The following ATP8B4 variants were observed in gnomAD, a reference collection of about 807,000 sequenced individuals.
ATP8B4 encodes the protein probable phospholipid-transporting ATPase IM.
ATP8B4 carries 133 observed loss-of-function variants against 145.6 expected under a neutral mutation model. The observed-to-expected ratio is 0.91, with a 90% CI of 0.79 to 1.05. The LOEUF is 1.05. ATP8B4 is among the 50% of genes least tolerant of loss of function. The probability of loss-of-function intolerance (pLI) is 0.00; values close to 1 mark genes in which losing one functional copy is unlikely to be tolerated. For missense variants in ATP8B4, 1,458 were observed against 1,425.2 expected, an observed-to-expected ratio of 1.02 and a Z score of -0.37; for synonymous variants, 507 against 492.9, an observed-to-expected ratio of 1.03 and a Z score of -0.38.
At chr15:50,122,464 ATAAAT>A (rs2057279243), upstream of ATP8B4, among the ~76,000 whole-genome samples, 1 of 152,196 alleles carries the variant, frequency 6.6e-6, no homozygotes, top group South Asian at 2.1e-4. Flanking sequence ...TAACAATAAA[ATAAAT>A]TAAGATTTAA....
At chr15:50,050,437 G>C (rs945885551) in intron 3 of ATP8B4, among the ~76,000 whole-genome samples, 1 of 151,908 alleles carries the variant, frequency 6.6e-6, no homozygotes, top group African/African-American at 2.4e-5. Flanking sequence ...TACATTTATA[G>C]TTGGTTTTTA....
chr15:50,127,885 T>C (rs1306304177), intron 1 of ATP8B4, among the ~76,000 whole-genome samples: 1 of 152,184 alleles, frequency 6.6e-6, no homozygotes, highest in Non-Finnish European at 1.5e-5. Context: ...AATACCAAGG[T>C]GTGCCTCACT....
chr15:50,153,188 T>C (rs899061260), intron 1 of ATP8B4, among the ~76,000 whole-genome samples: 3 of 152,142 alleles, frequency 2.0e-5, no homozygotes, highest in Non-Finnish European at 4.4e-5. Flanking sequence ...AATCAAATTA[T>C]CCTAAAGGAA....
At chr15:49,894,561 G>A (rs1016770174) in intron 23 of ATP8B4, among the ~76,000 whole-genome samples, 1 of 152,168 alleles carries the variant, frequency 6.6e-6, no homozygotes, top group Non-Finnish European at 1.5e-5. Context: ...ACTAAGAAAT[G>A]TATCACCTGT....
chr15:49,944,651 T>A (rs1378716889), intron 14 of ATP8B4, among the ~76,000 whole-genome samples: 1 of 152,106 alleles, frequency 6.6e-6, no homozygotes, highest in Admixed American at 6.5e-5. Flanking sequence ...CAACACTAGA[T>A]AGGAAATCCA....
intron 1 of ATP8B4, among the ~76,000 whole-genome samples, chr15:50,165,788 A>G (rs973785449): frequency 6.6e-6 from 1 of 152,180 alleles, no homozygotes; most frequent in Non-Finnish European, 1.5e-5. Flanking sequence ...AAAAAAGCAA[A>G]TAAAAAATGT....
chr15:49,944,997 A>G (rs368474252), intron 14 of ATP8B4, among the ~76,000 whole-genome samples: 1 of 152,198 alleles, frequency 6.6e-6, no homozygotes, highest in East Asian at 1.9e-4. Context: ...ATATTTCAAG[A>G]CAAATGAAAG....
intron 12 of ATP8B4, among the ~76,000 whole-genome samples, chr15:49,973,321 C>T (rs958526017): frequency 5.9e-5 from 9 of 152,120 alleles, no homozygotes; most frequent in African/African-American, 1.7e-4. Flanking sequence ...AATGCTGCTG[C>T]CACTGATCTG....
intron 3 of ATP8B4, among the ~76,000 whole-genome samples, chr15:50,070,731 G>GTGTTT (rs766685978): frequency 1.8e-4 from 28 of 151,902 alleles, no homozygotes; most frequent in Non-Finnish European, 2.8e-4. Context: ...TTTTTGTGTT[G>GTGTTT]TGTTTTGTTT....
At chr15:50,027,720 G>T (rs1214252872) in intron 6 of ATP8B4, among the ~76,000 whole-genome samples, 1 of 152,202 alleles carries the variant, frequency 6.6e-6, no homozygotes, top group Non-Finnish European at 1.5e-5. Flanking sequence ...GTGAAGGAAT[G>T]CTAAGCTTAT....
At chr15:49,964,166 T>C (rs2044327645) in intron 13 of ATP8B4, among the ~76,000 whole-genome samples, 2 of 152,260 alleles carry the variant, frequency 1.3e-5, no homozygotes, top group South Asian at 4.1e-4. Context: ...TTCTCTGGGG[T>C]GCTGGTCTGA....
At chr15:50,071,841 C>T (rs993033336) in intron 3 of ATP8B4, among the ~76,000 whole-genome samples, 1 of 152,106 alleles carries the variant, frequency 6.6e-6, no homozygotes, top group African/African-American at 2.4e-5. Flanking sequence ...ACCAAGCTTA[C>T]AAGACTGATG....
chr15:50,098,426 A>G (rs1325240507), intron 2 of ATP8B4, among the ~76,000 whole-genome samples: 1 of 151,372 alleles, frequency 6.6e-6, no homozygotes. Flanking sequence ...TGAGTAGTAC[A>G]GAACCATGCC....
intron 23 of ATP8B4, among the ~76,000 whole-genome samples, chr15:49,887,258 T>C (rs1054209247): frequency 1.3e-5 from 2 of 151,988 alleles, no homozygotes; most frequent in African/African-American, 4.8e-5. Context: ...TTCTGGTGAC[T>C]AGGACTAGCT....
intron 10 of ATP8B4, among the ~76,000 whole-genome samples, chr15:49,983,506 G>A (rs1309659144): frequency 6.6e-6 from 1 of 152,010 alleles, no homozygotes; most frequent in Non-Finnish European, 1.5e-5. Flanking sequence ...TAATCTGAGG[G>A]ACCATCACCT....
At chr15:50,157,822 C>A (rs1441132981) in intron 1 of ATP8B4, among the ~76,000 whole-genome samples, 2 of 152,222 alleles carry the variant, frequency 1.3e-5, no homozygotes, top group Non-Finnish European at 2.9e-5. Context: ...CTGGACTGTG[C>A]TGCTGCCATC....
In ATP8B4 at chr15:50,000,767, A is replaced by T. The variant is rs537416785; in HGVS notation, c.506+1386T>A. 3.3e-5 allele frequency among the ~76,000 whole-genome samples: 5 copies of T among 152,254 alleles called. No individual in the cohort carries two copies. In the South Asian group the frequency reaches 1.0e-3, roughly 32 times the overall value. ...TTATGTTTACTGTGTCAAGTCTAAG[A>T]ATCTGACCAGACAGCCCTAGATTTC... On this transcript the variant is annotated intron_variant, in intron 8 of 27. Coordinates refer to ENST00000284509, the MANE Select transcript of ATP8B4 (RefSeq NM_024837.4).
rs191715813 is a variant in ATP8B4 at position 49,993,629 on chromosome 15, C to T, written c.589+3048G>A. Among the ~76,000 whole-genome samples, 753 of 152,102 alleles carry T rather than the reference C, an allele frequency of 5.0e-3. 5 individuals carry two copies. The highest frequency in any genetic ancestry group is 0.017 in the African/African-American group (724 of 41,486). ...GTTTCTAATTTATTTTCCCTTAATT[C>T]GTCTATTCATTCTTCTGATGTTTTC... On this transcript the variant is annotated intron_variant, in intron 9 of 27. Coordinates refer to ENST00000284509, the MANE Select transcript of ATP8B4 (RefSeq NM_024837.4).
chr15:50,044,564 C>A (rs757234747), intron 5 of ATP8B4, 30 bp downstream of exon 5: 9 of 1,479,150 alleles, frequency 6.1e-6, no homozygotes, highest in Non-Finnish European at 6.5e-6. Context: ...GAAATTGAGA[C>A]CTCAAGAATG....
Sources: gnomAD v4.1 joint callset for allele counts (sites outside exome capture counted in the v4.1 genomes callset) on GRCh38, gnomAD v4.1.1 for gene constraint, MANE v1.5 for transcripts, NCBI Gene and HGNC (gene_info 2026-07-23, HGNC 2026-07-21) for gene names.